PRIM2: variants seen among roughly 807,000 people sequenced by gnomAD.
The protein encoded by PRIM2 is DNA primase subunit 2.
PRIM2 carries 39 observed loss-of-function variants against 67.3 expected under a neutral mutation model. The observed-to-expected ratio is 0.58, with a 90% confidence interval of 0.45 to 0.76. The LOEUF is 0.76. PRIM2 is among the 30% of genes least tolerant of loss of function. The probability of loss-of-function intolerance (pLI) is 0.00; values close to 1 mark genes in which losing one functional copy is unlikely to be tolerated. For missense variants in PRIM2, 398 were observed against 598.7 expected (o/e 0.66, Z 3.50); for synonymous variants, 143 against 198.7 (o/e 0.72, Z 2.36).
At chr6:57,273,553 TTCTTTGCC>T in the PRIM2 span, among the ~76,000 whole-genome samples, 7 of 152,216 alleles carry the variant, frequency 4.6e-5, no homozygotes, top group African/African-American at 1.4e-4. Flanking sequence ...AGTTTTGATC[TTCTTTGCC>T]ATTGGTTCAA....
At chr6:57,496,811 CTT>C (rs2082052997) in intron 7 of PRIM2, among the ~76,000 whole-genome samples, 1 of 151,976 alleles carries the variant, frequency 6.6e-6, no homozygotes, top group African/African-American at 2.4e-5. Flanking sequence ...TTTTTAGAGT[CTT>C]TGCATAAAAT....
chr6:57,347,067 A>G (rs199729351), intron 5 of PRIM2, among the ~76,000 whole-genome samples: 80 of 152,274 alleles, frequency 5.3e-4, no homozygotes, highest in South Asian at 1.2e-3. Context: ...TACTTCGGCT[A>G]TTGATACCTG....
At chr6:57,334,252 A>G (rs1581799210) in intron 5 of PRIM2, among the ~76,000 whole-genome samples, 1 of 151,464 alleles carries the variant, frequency 6.6e-6, no homozygotes, top group Admixed American at 6.6e-5. Context: ...ATTTTTTTTT[A>G]TGACTCAATA....
intron 10 of PRIM2, among the ~76,000 whole-genome samples, chr6:57,538,911 C>T (rs1775074819): frequency 2.0e-5 from 3 of 152,140 alleles, no homozygotes; most frequent in Non-Finnish European, 4.4e-5. Context: ...TTAATTATCC[C>T]TTTAGAGGCC....
intron 5 of PRIM2, among the ~76,000 whole-genome samples, chr6:57,379,062 A>G (rs1769869428): frequency 7.8e-6 from 1 of 129,002 alleles, no homozygotes; most frequent in Admixed American, 8.6e-5. Flanking sequence ...GATATGTATT[A>G]TCAAAGTATG....
chr6:57,587,088 AT>A (rs1776202628), intron 10 of PRIM2: 1 of 152,218 alleles, frequency 6.6e-6, no homozygotes, highest in Non-Finnish European at 1.5e-5. Context: ...AACACACAGA[AT>A]AATTAAACTT....
At chr6:57,592,282 T>C (rs1273160711) in intron 10 of PRIM2, among the ~76,000 whole-genome samples, 1 of 152,204 alleles carries the variant, frequency 6.6e-6, no homozygotes, top group Non-Finnish European at 1.5e-5. Flanking sequence ...TATAACGGTA[T>C]AACAAACCTG....
intron 12 of PRIM2, among the ~76,000 whole-genome samples, chr6:57,622,172 A>G (rs1776869637): frequency 6.6e-6 from 1 of 152,204 alleles, no homozygotes; most frequent in African/African-American, 2.4e-5. Context: ...ATGGTATCGA[A>G]AAAAAGCATT....
chr6:57,320,424 A>T, intron 2 of PRIM2, 33 bp from the exon 3 acceptor site: 1 of 1,420,880 alleles, frequency 7.0e-7, no homozygotes, highest in South Asian at 1.3e-5. Context: ...TTAAAACATT[A>T]TCTTGCATTT....
intron 5 of PRIM2, among the ~76,000 whole-genome samples, chr6:57,334,965 A>C (rs936759312): frequency 1.3e-5 from 2 of 152,192 alleles, no homozygotes; most frequent in African/African-American, 4.8e-5. Flanking sequence ...TCATCTCACT[A>C]GGGAGTGCCA....
chr6:57,228,895 G>C, the PRIM2 span, among the ~76,000 whole-genome samples: 5 of 152,280 alleles, frequency 3.3e-5, no homozygotes, highest in East Asian at 1.9e-4. Context: ...CCTCAAAAGA[G>C]TTAGTAGAAG....
At chr6:57,419,495 G>C (rs560725766) in intron 7 of PRIM2, among the ~76,000 whole-genome samples, 17 of 152,238 alleles carry the variant, frequency 1.1e-4, no homozygotes, top group African/African-American at 4.1e-4. Context: ...ACAAAGGGAG[G>C]GAGTATTTAC....
At chr6:57,254,598 C>G in the PRIM2 span, among the ~76,000 whole-genome samples, 1 of 152,164 alleles carries the variant, frequency 6.6e-6, no homozygotes, top group Non-Finnish European at 1.5e-5. Context: ...TTGCTCAGGC[C>G]TTTCCTGGGC....
intron 10 of PRIM2, among the ~76,000 whole-genome samples, chr6:57,545,838 A>G (rs1416882781): frequency 2.6e-5 from 4 of 152,228 alleles, no homozygotes; most frequent in Non-Finnish European, 5.9e-5. Context: ...TGTTAAAGGG[A>G]CAACATTTTA....
intron 7 of PRIM2, chr6:57,390,046 C>T (rs967003405): frequency 6.5e-6 from 1 of 154,806 alleles, no homozygotes; most frequent in African/African-American, 2.4e-5. Context: ...TTCACTTCCA[C>T]CATTACTGTC....
At chr6:57,367,355 A>G (rs1769393941) in intron 5 of PRIM2, among the ~76,000 whole-genome samples, 1 of 152,096 alleles carries the variant, frequency 6.6e-6, no homozygotes, top group Admixed American at 6.5e-5. Flanking sequence ...TCCTTTATAC[A>G]TTTAAATGAA....
intron 12 of PRIM2, among the ~76,000 whole-genome samples, chr6:57,618,494 C>T (rs1390418394): frequency 7.2e-4 from 109 of 152,228 alleles, no homozygotes; most frequent in African/African-American, 2.4e-3. Flanking sequence ...CTGCAGGACC[C>T]GGGAGACACC....
chr6:57,245,137 G>A, the PRIM2 span, among the ~76,000 whole-genome samples: 1 of 152,096 alleles, frequency 6.6e-6, no homozygotes, highest in Admixed American at 6.6e-5. Flanking sequence ...CTAGGCTTAG[G>A]TGCAGGCCTA....
intron 12 of PRIM2, among the ~76,000 whole-genome samples, chr6:57,619,999 G>A (rs1209949275): frequency 1.3e-4 from 20 of 152,038 alleles, no homozygotes; most frequent in Non-Finnish European, 2.4e-4. Flanking sequence ...GATCGAGACC[G>A]TCCTGGCTAA....
Sources: gnomAD v4.1 joint callset for allele counts (sites outside exome capture counted in the v4.1 genomes callset) on GRCh38, gnomAD v4.1.1 for gene constraint, MANE v1.5 for transcripts, NCBI Gene and HGNC (gene_info 2026-07-23, HGNC 2026-07-21) for gene names.